Variants in CTNNA2 observed in about 807,000 individuals in gnomAD.
CTNNA2 encodes the protein catenin alpha-2.
Under a neutral mutation model 101.0 loss-of-function variants are expected in CTNNA2, and 42 were observed. The ratio of observed to expected loss-of-function variants is 0.42; its 90% CI spans 0.32 to 0.54. The LOEUF (loss-of-function observed/expected upper bound fraction) is 0.54, where lower values mean the gene tolerates loss of function less well. Ranked by LOEUF, CTNNA2 falls within the 20% of genes least tolerant of loss-of-function variation. CTNNA2 has a pLI of 0.14. For missense variants in CTNNA2, 871 were observed against 1,223.1 expected, an observed-to-expected ratio of 0.71 and a Z score of 4.29; for synonymous variants, 450 against 456.4, an observed-to-expected ratio of 0.99 and a Z score of 0.18.
intron 7 of CTNNA2, among the ~76,000 whole-genome samples, chr2:80,365,571 GAAA>G (rs3040567): frequency 0.065 from 8,867 of 135,922 alleles, 349 homozygotes; most frequent in East Asian, 0.12. Flanking sequence ...GTGTTTTTTG[GAAA>G]AAAAAAAAAA....
At chr2:79,317,381 T>A (rs1676521283) in intron 3 of CTNNA2, among the ~76,000 whole-genome samples, 1 of 152,082 alleles carries the variant, frequency 6.6e-6, no homozygotes, top group Admixed American at 6.6e-5. Context: ...TCTTGTAATA[T>A]CTTTGTCTGA....
chr2:79,911,393 T>C (rs1043648100), intron 7 of CTNNA2, among the ~76,000 whole-genome samples: 1 of 152,192 alleles, frequency 6.6e-6, no homozygotes, highest in Non-Finnish European at 1.5e-5. Flanking sequence ...ATGGTTAAGA[T>C]CTCAATATAA....
At chr2:79,304,268 G>A (rs1458321794) in intron 2 of CTNNA2, among the ~76,000 whole-genome samples, 1 of 152,086 alleles carries the variant, frequency 6.6e-6, no homozygotes, top group African/African-American at 2.4e-5. Context: ...GGATGCCAAG[G>A]CAACATAAAG....
rs529210341 is a variant in CTNNA2, at chr2:79,964,109, A to G, written c.1056+54312A>G. 2.6e-5 allele frequency among the ~76,000 whole-genome samples: 4 copies of G among 152,288 alleles called. 1 individual carries two copies. Among genetic ancestry groups the G allele is most frequent in the African/African-American group, 9.6e-5 (4 of 41,566 alleles). Reference sequence around the variant, plus strand: ...ACAGAGCATGTCCTAGAATACCTGCATGGCCAGTTGATTCGTCTCAGAAAT... The same window carrying G: ...ACAGAGCATGTCCTAGAATACCTGCGTGGCCAGTTGATTCGTCTCAGAAAT... On this transcript the variant is annotated intron_variant, in intron 7 of 18. Transcript: ENST00000402739.
chr2:79,527,373 C>T lies in CTNNA2; in HGVS notation c.-6+14166C>T, dbSNP rs1354921745. Among the ~76,000 whole-genome samples, 3 of 150,806 alleles carry T rather than the reference C, an allele frequency of 2.0e-5. No individual in the cohort carries two copies. The East Asian group carries it at 5.9e-4, about 30-fold the overall frequency. ...TTAGGCCAGGCGCGGTGCCTCACAC[C>T]TGTAATTCCAGCACTTTGGGAGGCC... On this transcript the variant is annotated intron_variant, in intron 1 of 18. Transcript: ENST00000402739.
At chr2:79,770,896 T>A (rs1422598859) in intron 3 of CTNNA2, among the ~76,000 whole-genome samples, 1 of 152,224 alleles carries the variant, frequency 6.6e-6, no homozygotes, top group Non-Finnish European at 1.5e-5. Flanking sequence ...TTGTATAGCA[T>A]CTAGCTTTCT....
At chr2:79,525,087 A>T (rs950151580) in intron 1 of CTNNA2, among the ~76,000 whole-genome samples, 1 of 151,870 alleles carries the variant, frequency 6.6e-6, no homozygotes, top group Non-Finnish European at 1.5e-5. Flanking sequence ...CTAATTTTTT[A>T]AATATTTTGT....
chr2:79,960,955 T>C (rs1689586264), intron 7 of CTNNA2, among the ~76,000 whole-genome samples: 1 of 152,236 alleles, frequency 6.6e-6, no homozygotes, highest in East Asian at 1.9e-4. Flanking sequence ...GACCTTTACA[T>C]GGCCACTGTA....
At chr2:79,265,387 T>C (rs1170120439) in intron 2 of CTNNA2, among the ~76,000 whole-genome samples, 1 of 152,134 alleles carries the variant, frequency 6.6e-6, no homozygotes, top group Non-Finnish European at 1.5e-5. Context: ...GTCAGGGCTA[T>C]TGGAGGGATG....
intron 2 of CTNNA2, among the ~76,000 whole-genome samples, chr2:79,674,918 A>G (rs1411358690): frequency 1.3e-5 from 2 of 152,190 alleles, no homozygotes; most frequent in African/African-American, 4.8e-5. Flanking sequence ...GGATATATTT[A>G]TCAATTGCAT....
intron 4 of CTNNA2, among the ~76,000 whole-genome samples, chr2:79,475,210 G>A (rs964337952): frequency 2.0e-5 from 3 of 150,784 alleles, no homozygotes; most frequent in African/African-American, 7.3e-5. Context: ...GGACTCTGTG[G>A]CATACAGTAT....
chr2:79,310,172 A>T (rs1296424369), intron 2 of CTNNA2, among the ~76,000 whole-genome samples: 2 of 152,112 alleles, frequency 1.3e-5, no homozygotes, highest in Non-Finnish European at 2.9e-5. Context: ...TCTTATTTTC[A>T]AGTACTTAGA....
rs143723662 is a variant in CTNNA2 at position 79,291,287 on chromosome 2, G to T, written c.-405-21422G>T. ...AAGTATTTTAAAGCAAAGTACAGCT[G>T]TCATAACAAATGAGACTATCCCAGG... On this transcript the variant is annotated intron_variant, in intron 2 of 21. Transcript: ENST00000466387. Among the ~76,000 whole-genome samples, 236 of 152,344 alleles carry T rather than the reference G, an allele frequency of 1.5e-3. 1 individual carries two copies. Among genetic ancestry groups the T allele is most frequent in the African/African-American group, 5.5e-3 (228 of 41,570 alleles).
chr2:79,252,154 G>A (rs934514), intron 2 of CTNNA2, among the ~76,000 whole-genome samples: 93,492 of 151,964 alleles, frequency 0.62, 29,081 homozygotes, highest in East Asian at 0.65. Context: ...AATGCATTCA[G>A]CTTATCAGCT....
intron 7 of CTNNA2, among the ~76,000 whole-genome samples, chr2:80,390,545 G>A (rs1677415543): frequency 6.6e-6 from 1 of 152,180 alleles, no homozygotes; most frequent in South Asian, 2.1e-4. Flanking sequence ...AGCAACTGCA[G>A]TTACAATCTT....
chr2:80,561,106 A>T (rs1396131208), intron 12 of CTNNA2, among the ~76,000 whole-genome samples: 1 of 152,052 alleles, frequency 6.6e-6, no homozygotes, highest in African/African-American at 2.4e-5. Context: ...TTATGATTGG[A>T]CAGGTCTGAG....
intron 2 of CTNNA2, among the ~76,000 whole-genome samples, chr2:79,726,769 G>A (rs749285185): frequency 2.6e-4 from 40 of 152,186 alleles, no homozygotes; most frequent in Non-Finnish European, 4.8e-4. Flanking sequence ...TTAAAATGGG[G>A]TAGAGAGATT....
intron 7 of CTNNA2, among the ~76,000 whole-genome samples, chr2:80,314,504 C>A (rs1235091085): frequency 6.6e-6 from 1 of 152,134 alleles, no homozygotes; most frequent in Non-Finnish European, 1.5e-5. Flanking sequence ...CAGCCTTTAA[C>A]ATATAGGGAT....
rs151155562 is a variant in CTNNA2, at chr2:80,524,768, T to G, written c.1291-20214T>G. 5.9e-5 allele frequency among the ~76,000 whole-genome samples: 9 copies of G among 152,264 alleles called. No homozygotes were observed. The East Asian group carries it at 1.7e-3, about 29-fold the overall frequency. ...TGAAGCTTTTCCTAAACAACTGCCC[T>G]CATACATGCTCTCTCACACACAAAA... is the stretch of plus-strand genomic sequence containing the variant. On this transcript the variant is annotated intron_variant, in intron 9 of 18. Coordinates refer to ENST00000402739, the MANE Select transcript of CTNNA2 (RefSeq NM_001282597.3).
Sources: gnomAD v4.1 joint callset for allele counts (sites outside exome capture counted in the v4.1 genomes callset) on GRCh38, gnomAD v4.1.1 for gene constraint, MANE v1.5 for transcripts, NCBI Gene and HGNC (gene_info 2026-07-23, HGNC 2026-07-21) for gene names.